FBXO16: variants seen among roughly 807,000 people sequenced by gnomAD.
FBXO16 encodes F-box protein 16, also known as F-box only protein 16.
A neutral mutation model predicts 41.0 loss-of-function variants in FBXO16; 31 were observed. That is an observed-to-expected ratio of 0.76 (90% CI 0.57 to 1.02). The LOEUF is 1.02. Ranked by LOEUF, FBXO16 falls within the 50% of genes least tolerant of loss-of-function variation. FBXO16 has a pLI of 0.00. For synonymous variants in FBXO16, 133 were observed against 117.8 expected (o/e 1.13, Z -0.84); for missense variants, 361 against 346.2 (o/e 1.04, Z -0.34).
At chr8:28,481,538 G>A (rs1017569405) in intron 2 of FBXO16, among the ~76,000 whole-genome samples, 6 of 152,098 alleles carry the variant, frequency 3.9e-5, no homozygotes, top group Non-Finnish European at 8.8e-5. Flanking sequence ...CGTGGCGAGT[G>A]CGGTGGCTCA....
intron 1 of FBXO16, among the ~76,000 whole-genome samples, chr8:28,483,707 G>A (rs1024309656): frequency 2.6e-5 from 4 of 151,930 alleles, no homozygotes; most frequent in East Asian, 3.8e-4. Context: ...AAAAATAGCC[G>A]GGCGTGGTGG....
intron 6 of FBXO16, chr8:28,447,669 T>A (rs1225022998): frequency 1.9e-5 from 3 of 161,408 alleles, no homozygotes; most frequent in Non-Finnish European, 4.1e-5. Context: ...ATGGAAGGAG[T>A]ATGGCCAGAT....
At chr8:28,449,963 C>T (rs1292052394) in intron 6 of FBXO16, among the ~76,000 whole-genome samples, 2 of 121,270 alleles carry the variant, frequency 1.6e-5, no homozygotes, top group African/African-American at 6.9e-5. Flanking sequence ...CAGAGCAAGA[C>T]TGTCTCAAAA....
chr8:28,468,226 C>T (rs994207546), intron 3 of FBXO16, among the ~76,000 whole-genome samples: 7 of 152,164 alleles, frequency 4.6e-5, no homozygotes, highest in Non-Finnish European at 1.0e-4. Context: ...ATGTACGGTA[C>T]CTTGCTTCCC....
chr8:28,457,501 G>A (rs1355018122), intron 4 of FBXO16, among the ~76,000 whole-genome samples: 2 of 152,148 alleles, frequency 1.3e-5, no homozygotes, highest in African/African-American at 4.8e-5. Flanking sequence ...CAATCATGGT[G>A]GAAGGGGAAA....
At chr8:28,483,728 T>C (rs1460584355) in intron 1 of FBXO16, among the ~76,000 whole-genome samples, 1 of 152,050 alleles carries the variant, frequency 6.6e-6, no homozygotes, top group Non-Finnish European at 1.5e-5. Context: ...TGCATGCCTG[T>C]AATCACAGCT....
intron 1 of FBXO16, among the ~76,000 whole-genome samples, chr8:28,488,321 A>G (rs2130217175): frequency 8.8e-6 from 1 of 113,646 alleles, no homozygotes; most frequent in East Asian, 2.6e-4. Flanking sequence ...TTTTTTGACA[A>G]GGTCTTGCTC....
At chr8:28,485,007 C>T (rs1339092557) in intron 1 of FBXO16, among the ~76,000 whole-genome samples, 1 of 152,136 alleles carries the variant, frequency 6.6e-6, no homozygotes, top group Non-Finnish European at 1.5e-5. Context: ...CCCCTAGTAG[C>T]TGATTGGGAG....
chr8:28,429,495 T>TC, intron 7 of FBXO16, 92 bp from the exon 8 acceptor site: 1 of 1,478,598 alleles, frequency 6.8e-7, no homozygotes, highest in Non-Finnish European at 9.4e-7. Context: ...TGAGGCACTC[T>TC]TCAAAGTTCG....
intron 1 of FBXO16, among the ~76,000 whole-genome samples, chr8:28,489,806 T>C (rs1803662305): frequency 6.6e-6 from 1 of 152,174 alleles, no homozygotes; most frequent in South Asian, 2.1e-4. Flanking sequence ...CAGAGTTTAC[T>C]GAGCATAATA....
At chr8:28,447,297 A>G in intron 6 of FBXO16, 24 bp from the exon 7 acceptor site, 1 of 1,589,034 alleles carries the variant, frequency 6.3e-7, no homozygotes, top group Non-Finnish European at 8.6e-7. Context: ...AGCAGTGGGA[A>G]AATTACAAAG....
intron 1 of FBXO16, among the ~76,000 whole-genome samples, chr8:28,489,732 C>A (rs1212916929): frequency 6.6e-6 from 1 of 151,520 alleles, no homozygotes; most frequent in African/African-American, 2.4e-5. Flanking sequence ...AAAAAAAACC[C>A]TTGTAGAATT....
chr8:28,488,452 C>T (rs1234104156), intron 1 of FBXO16, among the ~76,000 whole-genome samples: 4 of 147,494 alleles, frequency 2.7e-5, no homozygotes, highest in Non-Finnish European at 4.5e-5. Context: ...TGCACCACCA[C>T]ACCTGGCTAA....
At position 28,447,253 on chromosome 8, in the gene FBXO16, A is replaced by G. The variant is rs1802879333; in HGVS notation, c.761T>C (p.Met254Thr). 1 of 1,612,992 alleles carries G rather than the reference A, an allele frequency of 6.2e-7. No homozygotes were observed. Among genetic ancestry groups the G allele is most frequent in the African/African-American group, 1.3e-5 (1 of 74,858 alleles). Reference sequence around the variant, plus strand: ...TGACTGTCGGCTGAAGTCTGGGGTCATTTGGTTTCTTTTTCTTCTTCTGTA... The same window carrying G: ...TGACTGTCGGCTGAAGTCTGGGGTCGTTTGGTTTCTTTTTCTTCTTCTGTA... ...VQQGRRKRNQ[M>T]TPDFSRQSHD... is the part of the protein sequence containing the mutation. The change falls in exon 7 of 9, where the codon ATG becomes ACG. Residue 254 changes from methionine (M) to threonine (T), a missense_variant. By Grantham distance (81) the Met-to-Thr change is moderately conservative. Coordinates refer to ENST00000380254, the MANE Select transcript of FBXO16 (RefSeq NM_172366.4).
At chr8:28,463,566 T>C (rs1380343059) in intron 4 of FBXO16, 46 bp downstream of exon 4, 11 of 1,600,212 alleles carry the variant, frequency 6.9e-6, no homozygotes, top group Non-Finnish European at 9.4e-6. Flanking sequence ...TCAAGTTTCC[T>C]AAGGCTGTCC....
chr8:28,469,031 G>A (rs529471975), intron 3 of FBXO16, among the ~76,000 whole-genome samples: 2 of 152,066 alleles, frequency 1.3e-5, no homozygotes, highest in Admixed American at 1.3e-4. Context: ...TATTAGGGCC[G>A]GGCATGGTGG....
intron 3 of FBXO16, among the ~76,000 whole-genome samples, chr8:28,466,693 G>A (rs1372141645): frequency 6.6e-6 from 1 of 152,112 alleles, no homozygotes; most frequent in South Asian, 2.1e-4. Flanking sequence ...TACATGGGAG[G>A]CTGAAGCAGA....
At chr8:28,434,196 G>A (rs1237206521) in intron 7 of FBXO16, among the ~76,000 whole-genome samples, 1 of 152,102 alleles carries the variant, frequency 6.6e-6, no homozygotes, top group African/African-American at 2.4e-5. Context: ...CCTGACCTCA[G>A]GTGATCTGCC....
intron 5 of FBXO16, 85 bp downstream of exon 5, chr8:28,456,681 C>T: frequency 1.3e-6 from 2 of 1,487,832 alleles, no homozygotes; most frequent in South Asian, 2.5e-5. Context: ...CCTTCCCCAA[C>T]TTCCAGTCTG....
Sources: allele counts gnomAD v4.1 joint callset (sites outside exome capture counted in the v4.1 genomes callset), GRCh38; gene constraint gnomAD v4.1.1; transcripts MANE v1.5; gene names NCBI Gene and HGNC (gene_info 2026-07-23, HGNC 2026-07-21).